Variants in RAPGEF1 observed in about 807,000 individuals in gnomAD.
RAPGEF1 encodes CRK SH3-binding GNRP.
RAPGEF1 carries 33 observed loss-of-function variants against 143.3 expected under a neutral mutation model. The ratio of observed to expected loss-of-function variants is 0.23; its 90% CI spans 0.17 to 0.31. The LOEUF (loss-of-function observed/expected upper bound fraction) is 0.31, where lower values mean the gene tolerates loss of function less well. Ranked by LOEUF, RAPGEF1 falls within the 10% of genes least tolerant of loss-of-function variation. The pLI is 1.00. For synonymous variants in RAPGEF1, 629 were observed against 676.5 expected (o/e 0.93, Z 1.09); for missense variants, 1,199 against 1,645.4 (o/e 0.73, Z 4.69).
At chr9:131,635,196 G>C (rs1478692979) in intron 5 of RAPGEF1, among the ~76,000 whole-genome samples, 2 of 152,116 alleles carry the variant, frequency 1.3e-5, no homozygotes, top group African/African-American at 2.4e-5. Context: ...TGGTCACCTA[G>C]TTCTTACCAG....
At position 131,576,984 on chromosome 9, in the gene RAPGEF1, A is replaced by C. The variant is rs4376536; in HGVS notation, c.*2513T>G. On this transcript the variant is annotated 3_prime_UTR_variant, in exon 27 of 27. Transcript: ENST00000683357. ...TGTGCCTGCCCCTCCTTGCCCCCCC[A>C]CACCCCGACACCTGCAGGTGAGGAC... 149,494 of 150,302 alleles carry C rather than the reference A, an allele frequency of 0.99. 74,350 individuals carry two copies. The highest frequency in any genetic ancestry group is 1 in the Middle Eastern group (294 of 294). The allele number at this position is 150,302 out of a possible 1,614,324, so 9.3% of individuals were successfully genotyped here. A position where few individuals can be genotyped will look rare whatever the true frequency, so the allele number is the denominator to read the frequency against.
In RAPGEF1 at chr9:131,579,676, G is replaced by A. The variant is rs781694180; in HGVS notation, c.3642-29C>T. On this transcript the variant is annotated intron_variant, in intron 26 of 26. Transcript: ENST00000683357. ...GTGCAGGGGATGGGGAGCAGTCAGT[G>A]AGCACCTGTGTGGGCTGGATGGCCC... 1.3e-5 allele frequency: 21 copies of A among 1,609,820 alleles called. No homozygotes were observed. The South Asian group carries it at 2.1e-4, about 16-fold the overall frequency.
rs571130630 is a variant in RAPGEF1, at chr9:131,610,281, G to A, written c.2062-5093C>T. 3.9e-5 allele frequency among the ~76,000 whole-genome samples: 6 copies of A among 151,952 alleles called. No homozygotes were observed. The South Asian group carries it at 1.0e-3, about 26-fold the overall frequency. ...TTCCTCTGCTGATCAGGAAGAGCGC[G>A]TGCCAGAGGAGGCTGTCTGCTCATC... On this transcript the variant is annotated intron_variant, in intron 12 of 26. Coordinates refer to ENST00000683357, the MANE Select transcript of RAPGEF1 (RefSeq NM_001377935.1).
rs914817691 is a variant in RAPGEF1, at chr9:131,576,861, G to A, written c.*2636C>T. 2 of 152,326 alleles carry A rather than the reference G, an allele frequency of 1.3e-5. No individual in the cohort carries two copies. Among genetic ancestry groups the A allele is most frequent in the African/African-American group, 2.4e-5 (1 of 41,568 alleles). The allele number at this position is 152,326 out of a possible 1,614,324, so 9.4% of individuals were successfully genotyped here. On this transcript the variant is annotated 3_prime_UTR_variant, in exon 27 of 27. Transcript: ENST00000683357. Reference sequence around the variant, plus strand: ...GCAGGAAGATGCCACCATCAGACAGGTTAGCTGGGGCATATATATTACAAT... The same window carrying A: ...GCAGGAAGATGCCACCATCAGACAGATTAGCTGGGGCATATATATTACAAT...
intron 1 of RAPGEF1, among the ~76,000 whole-genome samples, chr9:131,721,328 C>A (rs1836250586): frequency 6.6e-6 from 1 of 152,176 alleles, no homozygotes; most frequent in Non-Finnish European, 1.5e-5. Flanking sequence ...GTGCTCATCC[C>A]TCCATCTGTC....
rs1327566833 is a variant in RAPGEF1 at position 131,589,933 on chromosome 9, G to C, written c.2820C>G (p.Val940=). ...CCAGCACGAAGAACGTGTTCTTGCTGACGCGCTTCTTGAATGTGTCGGCAA... is the reference window on the plus strand; with the variant it reads ...CCAGCACGAAGAACGTGTTCTTGCTCACGCGCTTCTTGAATGTGTCGGCAA... ...SPFADTFKKR[V]SKNTFFVLVR... The change falls in exon 19 of 27, where the codon GTC becomes GTG. Residue 940 remains valine, a synonymous_variant. Transcript: ENST00000683357. The C allele has an allele frequency of 6.2e-7, 1 of 1,613,772 alleles. No individual in the cohort carries two copies. Among genetic ancestry groups the C allele is most frequent in the African/African-American group, 1.3e-5 (1 of 74,904 alleles).
chr9:131,709,721 G>A (rs1247211006), intron 1 of RAPGEF1: 1 of 1,613,366 alleles, frequency 6.2e-7, no homozygotes, highest in Non-Finnish European at 8.5e-7. Context: ...CCCAGCCCCA[G>A]CGTCTTTCCG....
chr9:131,678,937 A>G (rs188441541), intron 1 of RAPGEF1, among the ~76,000 whole-genome samples: 41 of 152,290 alleles, frequency 2.7e-4, no homozygotes, highest in African/African-American at 9.9e-4. Flanking sequence ...CCTGCTTTTT[A>G]TGAGTGAAAC....
rs1453262174 is a variant in RAPGEF1, at chr9:131,578,280, GA to G, written c.*1216del. The G allele has an allele frequency of 2.6e-5, 4 of 152,438 alleles. No individual in the cohort carries two copies. The highest frequency in any genetic ancestry group is 2.9e-5 in the Non-Finnish European group (2 of 68,192). The allele number at this position is 152,438 out of a possible 1,614,324, so 9.4% of individuals were successfully genotyped here. A position where few individuals can be genotyped will look rare whatever the true frequency, so the allele number is the denominator to read the frequency against. On this transcript the variant is annotated 3_prime_UTR_variant, in exon 27 of 27. Transcript: ENST00000683357. Reference sequence around the variant, plus strand: ...GCTCAGCAGCGAGAATGGTTTTGACGAGGAGGATGGAAACAGCATCTGCTCT... The same window carrying G: ...GCTCAGCAGCGAGAATGGTTTTGACGGGAGGATGGAAACAGCATCTGCTCT...
intron 1 of RAPGEF1, among the ~76,000 whole-genome samples, chr9:131,732,507 A>G (rs1837141634): frequency 6.6e-6 from 1 of 152,232 alleles, no homozygotes; most frequent in Non-Finnish European, 1.5e-5. Flanking sequence ...TGGATGCGGC[A>G]TCAGAACCGA....
In RAPGEF1 at chr9:131,577,919, T is replaced by C. The variant is rs1951381488; in HGVS notation, c.*1578A>G. 1 of 152,202 alleles carries C rather than the reference T, an allele frequency of 6.6e-6. No homozygotes were observed. The highest frequency in any genetic ancestry group is 1.9e-4 in the East Asian group (1 of 5,196). 9.4% of individuals were successfully genotyped at this position (152,202 alleles called of 1,614,324 possible). ...AAGCCCACATTTTCTTCTTGATAAA[T>C]GCTGTTCAAAAACCCATGAAGGACT... On this transcript the variant is annotated 3_prime_UTR_variant, in exon 27 of 27. Coordinates refer to ENST00000683357, the MANE Select transcript of RAPGEF1 (RefSeq NM_001377935.1).
chr9:131,617,580 A>G (rs1959188167), intron 12 of RAPGEF1, among the ~76,000 whole-genome samples: 2 of 152,246 alleles, frequency 1.3e-5, no homozygotes, highest in South Asian at 2.1e-4. Flanking sequence ...AAAAAGGCCA[A>G]ACAGGTTAAC....
At chr9:131,678,629 A>T (rs1401901187) in intron 1 of RAPGEF1, among the ~76,000 whole-genome samples, 1 of 152,206 alleles carries the variant, frequency 6.6e-6, no homozygotes, top group Admixed American at 6.5e-5. Context: ...GATCACATCA[A>T]CACTGAGCTC....
At chr9:131,594,204 T>G (rs967201286) in intron 17 of RAPGEF1, among the ~76,000 whole-genome samples, 1 of 152,180 alleles carries the variant, frequency 6.6e-6, no homozygotes, top group Non-Finnish European at 1.5e-5. Flanking sequence ...GTGCCACCCC[T>G]CTAGAGATCA....
At chr9:131,706,348 C>T (rs1043173506) in intron 1 of RAPGEF1, among the ~76,000 whole-genome samples, 4 of 152,058 alleles carry the variant, frequency 2.6e-5, no homozygotes, top group Admixed American at 6.6e-5. Flanking sequence ...CTGCAACCTC[C>T]GCCTCCTAGG....
intron 1 of RAPGEF1, among the ~76,000 whole-genome samples, chr9:131,711,204 C>T (rs898586269): frequency 1.3e-5 from 2 of 151,728 alleles, no homozygotes; most frequent in Non-Finnish European, 2.9e-5. Context: ...GTGCATGCCA[C>T]CTCGCCTGGC....
intron 1 of RAPGEF1, chr9:131,737,419 G>T (rs766575271): frequency 1.2e-6 from 2 of 1,613,898 alleles, no homozygotes; most frequent in Non-Finnish European, 1.7e-6. Context: ...GTCCATGGCA[G>T]CACGGTCGCT....
chr9:131,669,463 T>C (rs773112704), intron 1 of RAPGEF1, among the ~76,000 whole-genome samples: 1 of 152,050 alleles, frequency 6.6e-6, no homozygotes, highest in African/African-American at 2.4e-5. Flanking sequence ...TCCTCACTCA[T>C]CCACCCCTTC....
chr9:131,664,464 A>C (rs1588890719), intron 1 of RAPGEF1, among the ~76,000 whole-genome samples: 1 of 152,272 alleles, frequency 6.6e-6, no homozygotes, highest in East Asian at 1.9e-4. Flanking sequence ...ATATATTTTT[A>C]AATCATAAGT....
Sources: gnomAD v4.1 joint callset for allele counts (sites outside exome capture counted in the v4.1 genomes callset) on GRCh38, gnomAD v4.1.1 for gene constraint, MANE v1.5 for transcripts, NCBI Gene and HGNC (gene_info 2026-07-23, HGNC 2026-07-21) for gene names.